SGMS2: variants seen among roughly 807,000 people sequenced by gnomAD.
SGMS2 encodes the protein phosphatidylcholine:ceramide cholinephosphotransferase 2.
Under a neutral mutation model 43.8 loss-of-function variants are expected in SGMS2, and 21 were observed. That is an observed-to-expected ratio of 0.48 (90% CI 0.34 to 0.69). The LOEUF (loss-of-function observed/expected upper bound fraction) is 0.69, where lower values mean the gene tolerates loss of function less well. Ranked by LOEUF, SGMS2 falls within the 30% of genes least tolerant of loss-of-function variation. The pLI, the probability that SGMS2 is intolerant of heterozygous loss-of-function variation, is 0.01. For synonymous variants in SGMS2, 167 were observed against 160.6 expected (o/e 1.04, Z -0.30); for missense variants, 384 against 443.2 (o/e 0.87, Z 1.20).
chr4:107,904,898 G>A (rs945721889), intron 5 of SGMS2, among the ~76,000 whole-genome samples: 4 of 151,412 alleles, frequency 2.6e-5, no homozygotes. Context: ...TAGTGTAGAT[G>A]TACATTTGAG....
At chr4:107,866,645 C>T (rs1207456860) in intron 2 of SGMS2, among the ~76,000 whole-genome samples, 2 of 151,524 alleles carry the variant, frequency 1.3e-5, no homozygotes, top group Admixed American at 6.6e-5. Context: ...ACCAATCTCA[C>T]GGTGGTGTTC....
intron 1 of SGMS2, among the ~76,000 whole-genome samples, chr4:107,825,921 C>G (rs555350478): frequency 6.6e-6 from 1 of 152,260 alleles, no homozygotes; most frequent in African/African-American, 2.4e-5. Flanking sequence ...CTTGCCTGCT[C>G]TGAAATGACC....
intron 4 of SGMS2, among the ~76,000 whole-genome samples, chr4:107,902,256 C>G (rs184314245): frequency 7.0e-6 from 1 of 142,914 alleles, no homozygotes; most frequent in Non-Finnish European, 1.5e-5. Flanking sequence ...ACCCATTGCA[C>G]TCCAGTCTGG....
chr4:107,840,460 CT>C (rs1726436178), intron 1 of SGMS2, among the ~76,000 whole-genome samples: 1 of 152,154 alleles, frequency 6.6e-6, no homozygotes, highest in Admixed American at 6.5e-5. Flanking sequence ...TAGATTTCTT[CT>C]CCTAGACTGT....
intron 1 of SGMS2, among the ~76,000 whole-genome samples, chr4:107,855,246 G>C (rs960452933): frequency 6.6e-6 from 1 of 151,546 alleles, no homozygotes; most frequent in Admixed American, 6.6e-5. Context: ...TACTAATTTT[G>C]GATTTGTTCT....
At chr4:107,830,510 A>T (rs1725832369) in intron 1 of SGMS2, among the ~76,000 whole-genome samples, 2 of 152,184 alleles carry the variant, frequency 1.3e-5, no homozygotes, top group South Asian at 2.1e-4. Flanking sequence ...AGCAGTATAT[A>T]AGTGTTCCCT....
At position 107,913,995 on chromosome 4, in the gene SGMS2, A is replaced by G. The variant is rs1453355595; in HGVS notation, c.*3442A>G. ...CTCTGTAGTGTAAGGAAGTGTGAGA[A>G]GGAGTTTCTTAATGAGTTTACACGT... is the stretch of plus-strand genomic sequence containing the variant. On this transcript the variant is annotated 3_prime_UTR_variant, in exon 7 of 7. Coordinates refer to ENST00000690982, the MANE Select transcript of SGMS2 (RefSeq NM_001375905.1). 6.6e-6 allele frequency: 1 copy of G among 152,176 alleles called. No homozygotes were observed. The highest frequency in any genetic ancestry group is 1.9e-4 in the East Asian group (1 of 5,200). 9.4% of individuals were successfully genotyped at this position (152,176 alleles called of 1,614,324 possible).
At chr4:107,878,539 A>G (rs1490619694) in intron 2 of SGMS2, among the ~76,000 whole-genome samples, 2 of 152,158 alleles carry the variant, frequency 1.3e-5, no homozygotes, top group South Asian at 2.1e-4. Flanking sequence ...AGCCCTATCT[A>G]TCTTTCCATT....
At chr4:107,885,630 T>G (rs1213662083) in intron 2 of SGMS2, among the ~76,000 whole-genome samples, 1 of 152,194 alleles carries the variant, frequency 6.6e-6, no homozygotes, top group African/African-American at 2.4e-5. Context: ...CATCTCTACT[T>G]TTTAACATTG....
intron 1 of SGMS2, among the ~76,000 whole-genome samples, chr4:107,834,916 T>C (rs1057364244): frequency 1.3e-5 from 2 of 152,140 alleles, no homozygotes; most frequent in Non-Finnish European, 2.9e-5. Flanking sequence ...ACACATGTAG[T>C]CCCAGCTACT....
intron 5 of SGMS2, among the ~76,000 whole-genome samples, chr4:107,905,069 A>C (rs899106161): frequency 6.6e-6 from 1 of 152,136 alleles, no homozygotes; most frequent in Non-Finnish European, 1.5e-5. Flanking sequence ...TTCTAAAATA[A>C]CTGAAAACCA....
intron 2 of SGMS2, among the ~76,000 whole-genome samples, chr4:107,890,674 CAA>C (rs58069785): frequency 5.4e-4 from 34 of 62,824 alleles, no homozygotes; most frequent in African/African-American, 1.1e-3. Flanking sequence ...TACTCCACCT[CAA>C]AAAAAAAAAA....
At chr4:107,864,864 C>G (rs957142686) in intron 2 of SGMS2, among the ~76,000 whole-genome samples, 2 of 152,058 alleles carry the variant, frequency 1.3e-5, no homozygotes, top group South Asian at 4.1e-4. Flanking sequence ...TGAATAACTT[C>G]CTATAAGTGT....
intron 1 of SGMS2, among the ~76,000 whole-genome samples, chr4:107,837,345 A>G (rs1317043026): frequency 6.6e-6 from 1 of 152,198 alleles, no homozygotes; most frequent in Non-Finnish European, 1.5e-5. Context: ...ACCCTAGGAC[A>G]GTCAGGAAAG....
chr4:107,843,471 G>A (rs1156231939), intron 1 of SGMS2, among the ~76,000 whole-genome samples: 2 of 152,162 alleles, frequency 1.3e-5, no homozygotes, highest in Admixed American at 6.5e-5. Flanking sequence ...AAGATGTGTG[G>A]TGTCAGCTGT....
At chr4:107,905,967 A>T (rs10013434) in intron 5 of SGMS2, among the ~76,000 whole-genome samples, 28,214 of 152,136 alleles carry the variant, frequency 0.19, 2,790 homozygotes, top group Non-Finnish European at 0.21. Flanking sequence ...TTTCTCCAAT[A>T]TTTGATTAGA....
At chr4:107,848,488 T>A (rs923504241) in intron 1 of SGMS2, among the ~76,000 whole-genome samples, 1 of 152,206 alleles carries the variant, frequency 6.6e-6, no homozygotes, top group Admixed American at 6.5e-5. Context: ...TATAAGAAAC[T>A]GCCTTACTGT....
chr4:107,858,035 A>C (rs1048115879), intron 1 of SGMS2, among the ~76,000 whole-genome samples: 2 of 121,012 alleles, frequency 1.7e-5, no homozygotes, highest in African/African-American at 6.4e-5. Flanking sequence ...AACCCTTATT[A>C]AGTCTTAAAT....
chr4:107,846,774 G>A (rs1221215159), intron 1 of SGMS2, among the ~76,000 whole-genome samples: 5 of 145,000 alleles, frequency 3.4e-5, no homozygotes, highest in South Asian at 2.3e-4. Context: ...TCCAGCACCT[G>A]TTGTTTCCTG....
Sources: allele counts gnomAD v4.1 joint callset (sites outside exome capture counted in the v4.1 genomes callset), GRCh38; gene constraint gnomAD v4.1.1; transcripts MANE v1.5; gene names NCBI Gene and HGNC (gene_info 2026-07-23, HGNC 2026-07-21).